Variants in DHRSX observed in about 807,000 individuals in gnomAD.
DHRSX encodes the protein polyprenol dehydrogenase.
Under a neutral mutation model 34.0 loss-of-function variants are expected in DHRSX, and 31 were observed. The observed-to-expected ratio is 0.91, with a 90% CI of 0.69 to 1.23. The LOEUF (loss-of-function observed/expected upper bound fraction) is 1.23, where lower values mean the gene tolerates loss of function less well. Among genes scored for constraint, DHRSX ranks in the 50% most tolerant of loss-of-function variants. The pLI, the probability that DHRSX is intolerant of heterozygous loss-of-function variation, is 0.00. For synonymous variants in DHRSX, 201 were observed against 183.8 expected (o/e 1.09, Z -0.76); for missense variants, 414 against 428.1 (o/e 0.97, Z 0.29).
intron 2 of DHRSX, among the ~76,000 whole-genome samples, chrX:2,422,830 G>A (rs1255576425): frequency 2.0e-5 from 3 of 151,724 alleles, no homozygotes; most frequent in African/African-American, 7.3e-5. Context: ...TGTCACCCAG[G>A]CTGGAGTGCA....
In DHRSX at chrX:2,489,913, G is replaced by A. The variant is rs773556835; in HGVS notation, c.109+10904C>T. ...CCTTCACGATGTCCTTGCCATAGTT[G>A]GTGGTGGCCCCGAAGACCTTGGCGC... On this transcript the variant is annotated intron_variant, in intron 1 of 6. Transcript: ENST00000334651. The A allele has an allele frequency of 2.5e-6, 4 of 1,613,766 alleles. 1 individual carries two copies. In the South Asian group the frequency reaches 4.4e-5, roughly 18 times the overall value.
chrX:2,350,497 T>C (rs371929988), intron 3 of DHRSX, among the ~76,000 whole-genome samples: 80 of 152,272 alleles, frequency 5.3e-4, no homozygotes, highest in African/African-American at 1.9e-3. Flanking sequence ...AAATACCGCA[T>C]GATGTCACTG....
intron 1 of DHRSX, among the ~76,000 whole-genome samples, chrX:2,448,098 G>A (rs2044162924): frequency 6.6e-6 from 1 of 151,270 alleles, no homozygotes; most frequent in Non-Finnish European, 1.5e-5. Flanking sequence ...AGCTACTTGG[G>A]AGGCTGAGGC....
intron 4 of DHRSX, among the ~76,000 whole-genome samples, chrX:2,274,886 T>C (rs901353426): frequency 2.0e-5 from 3 of 152,136 alleles, no homozygotes; most frequent in African/African-American, 7.2e-5. Flanking sequence ...GTATTAATTT[T>C]CCTCTTCCTA....
At chrX:2,340,131 C>G (rs1602971903) in intron 3 of DHRSX, among the ~76,000 whole-genome samples, 1 of 150,894 alleles carries the variant, frequency 6.6e-6, no homozygotes, top group African/African-American at 2.4e-5. Flanking sequence ...TAAGTGGGAG[C>G]TGAACAATAA....
intron 3 of DHRSX, among the ~76,000 whole-genome samples, chrX:2,309,594 C>T (rs1292760137): frequency 6.6e-6 from 1 of 152,076 alleles, no homozygotes; most frequent in Non-Finnish European, 1.5e-5. Context: ...CTTAGTCAAC[C>T]TTGTAACCCA....
intron 1 of DHRSX, among the ~76,000 whole-genome samples, chrX:2,434,153 T>C (rs1157743459): frequency 2.0e-5 from 3 of 152,104 alleles, no homozygotes; most frequent in Non-Finnish European, 2.9e-5. Flanking sequence ...TTTGGAGATA[T>C]GAAATAAAAC....
rs182690595 is a variant in DHRSX at position 2,476,301 on chromosome X, C to T, written c.109+24516G>A. ...TAATCCCAGCTACTCCAGAGGCTAACGCAGGAGAACTGCTTAAGCCCAGGA... is the reference window on the plus strand; with the variant it reads ...TAATCCCAGCTACTCCAGAGGCTAATGCAGGAGAACTGCTTAAGCCCAGGA... On this transcript the variant is annotated intron_variant, in intron 1 of 6. Coordinates refer to ENST00000334651, the MANE Select transcript of DHRSX (RefSeq NM_145177.3). 3.8e-3 allele frequency among the ~76,000 whole-genome samples: 574 copies of T among 151,552 alleles called. 3 individuals carry two copies. Among genetic ancestry groups the T allele is most frequent in the African/African-American group, 0.013 (531 of 41,332 alleles).
intron 3 of DHRSX, among the ~76,000 whole-genome samples, chrX:2,304,296 GATGGATGGATGGATGA>G (rs2042072855): frequency 6.8e-6 from 1 of 147,094 alleles, no homozygotes; most frequent in African/African-American, 2.6e-5. Context: ...TGGGTGGGTG[GATGGATGGATGGATGA>G]ATGGATGGAT....
chrX:2,330,089 G>C, intron 3 of DHRSX, among the ~76,000 whole-genome samples: 1 of 9,930 alleles, frequency 1.0e-4, no homozygotes, highest in Non-Finnish European at 5.0e-4. Context: ...GGGGGGGGGG[G>C]GGGGGAGGGA....
At chrX:2,380,198 G>C (rs1023176213) in intron 3 of DHRSX, among the ~76,000 whole-genome samples, 3 of 151,104 alleles carry the variant, frequency 2.0e-5, no homozygotes, top group African/African-American at 7.3e-5. Flanking sequence ...GGGAGGCTGA[G>C]GCAGGAGAAT....
At chrX:2,394,539 G>T (rs2043384695) in intron 3 of DHRSX, among the ~76,000 whole-genome samples, 1 of 152,186 alleles carries the variant, frequency 6.6e-6, no homozygotes, top group Non-Finnish European at 1.5e-5. Context: ...ATTTACACGT[G>T]AGGATAACAG....
intron 3 of DHRSX, among the ~76,000 whole-genome samples, chrX:2,397,755 A>T (rs776821561): frequency 3.0e-4 from 46 of 152,304 alleles, no homozygotes; most frequent in African/African-American, 1.1e-3. Flanking sequence ...AAACAACCCC[A>T]GTCCTCGTTA....
At chrX:2,272,491 G>A (rs1161565945) in intron 4 of DHRSX, among the ~76,000 whole-genome samples, 6 of 152,080 alleles carry the variant, frequency 3.9e-5, no homozygotes, top group South Asian at 4.1e-4. Context: ...TAACTTTCTC[G>A]TTAATTCTTT....
At chrX:2,300,226 G>A (rs34943879) in intron 3 of DHRSX, among the ~76,000 whole-genome samples, 52,002 of 151,920 alleles carry the variant, frequency 0.34, 10,587 homozygotes, top group Middle Eastern at 0.48. Flanking sequence ...ATAGGACATC[G>A]TTATAGACTG....
chrX:2,470,087 C>A (rs1314135435), intron 1 of DHRSX, among the ~76,000 whole-genome samples: 2 of 151,220 alleles, frequency 1.3e-5, no homozygotes, highest in Non-Finnish European at 2.9e-5. Flanking sequence ...GAAATCCTGC[C>A]ATTTGCGCAA....
chrX:2,297,268 G>A (rs2041945651), intron 3 of DHRSX, among the ~76,000 whole-genome samples: 1 of 152,196 alleles, frequency 6.6e-6, no homozygotes, highest in South Asian at 2.1e-4. Flanking sequence ...GACCACAGGT[G>A]CGCAGCACCA....
chrX:2,272,987 TGCAGGCCA>T (rs1265304715), intron 4 of DHRSX, among the ~76,000 whole-genome samples: 1 of 152,186 alleles, frequency 6.6e-6, no homozygotes, highest in Non-Finnish European at 1.5e-5. Flanking sequence ...AAAAGACACC[TGCAGGCCA>T]GGCATGGTGG....
At chrX:2,477,514 AAC>A (rs1273760121) in intron 1 of DHRSX, among the ~76,000 whole-genome samples, 38 of 152,322 alleles carry the variant, frequency 2.5e-4, no homozygotes, top group Non-Finnish European at 3.4e-4. Flanking sequence ...CACAGGTGGA[AAC>A]AGTTTATCTG....
Sources: gnomAD v4.1 joint callset for allele counts (sites outside exome capture counted in the v4.1 genomes callset) on GRCh38, gnomAD v4.1.1 for gene constraint, MANE v1.5 for transcripts, NCBI Gene and HGNC (gene_info 2026-07-23, HGNC 2026-07-21) for gene names.